Variants in P3H4 observed in about 807,000 individuals in gnomAD.
P3H4 encodes prolyl 3-hydroxylase family member 4 (inactive).
Under a neutral mutation model 52.9 loss-of-function variants are expected in P3H4, and 47 were observed. That is an observed-to-expected ratio of 0.89 (90% CI 0.70 to 1.13). The LOEUF (loss-of-function observed/expected upper bound fraction) is 1.13, where lower values mean the gene tolerates loss of function less well. Ranked by LOEUF, P3H4 falls within the 50% of genes most tolerant of loss-of-function variation. The pLI is 0.00. For synonymous variants in P3H4, 256 were observed against 267.9 expected (o/e 0.96, Z 0.44); for missense variants, 585 against 611.0 (o/e 0.96, Z 0.45).
rs372631529 is a variant in P3H4 at position 41,809,670 on chromosome 17, G to T, written c.916+36C>A. On this transcript the variant is annotated intron_variant, in intron 4 of 7. Transcript: ENST00000393928. The stretch of plus-strand genomic sequence containing the variant: ...ATACAGTCCTCTCCCTTATCACCTC[G>T]TCCCCTGCCCAAGCCAGCCCACCCA... 2.5e-6 allele frequency: 4 copies of T among 1,605,630 alleles called. No individual in the cohort carries two copies. In the South Asian group the frequency reaches 4.5e-5, roughly 18 times the overall value.
intron 6 of P3H4, among the ~76,000 whole-genome samples, chr17:41,806,225 A>C (rs1214856041): frequency 6.6e-6 from 1 of 152,096 alleles, no homozygotes; most frequent in African/African-American, 2.4e-5. Context: ...TCTCAAAAAA[A>C]AAAAATAAAT....
chr17:41,803,085 C>A, intron 7 of P3H4, 106 bp from the exon 8 acceptor site: 1 of 1,468,790 alleles, frequency 6.8e-7, no homozygotes, highest in Non-Finnish European at 9.3e-7. Context: ...CCGGACAGGT[C>A]TCAGCTGGTC....
chr17:41,810,672 C>G, intron 3 of P3H4, 191 bp downstream of exon 3: 2 of 631,516 alleles, frequency 3.2e-6, no homozygotes, highest in South Asian at 2.1e-5. Context: ...GTCACTGCCT[C>G]TACTCACTGA....
chr17:41,807,065 G>C (rs905089878), intron 5 of P3H4, 186 bp from the exon 6 acceptor site: 5 of 580,160 alleles, frequency 8.6e-6, no homozygotes, highest in Non-Finnish European at 1.5e-5. Flanking sequence ...GATTCTGAGA[G>C]TTTGGTGACA....
At position 41,806,838 on chromosome 17, in the gene P3H4, C is replaced by T; in HGVS notation, c.1104G>A (p.Glu368=). Residue 368 remains glutamate, a synonymous_variant, in exon 6 of 8, where the codon GAG becomes GAA. Coordinates refer to ENST00000393928, the MANE Select transcript of P3H4 (RefSeq NM_006455.3). ...GGTACATGTGGGTGAACTCCAGCAG[C>T]TCCCGCAGCTCGGCGGTCTGGTTGT... ...LYHNQTAELR[E]LLEFTHMYLQ... is the part of the protein sequence containing the mutation. The T allele has an allele frequency of 6.2e-7, 1 of 1,613,926 alleles. No homozygotes were observed. Among genetic ancestry groups the T allele is most frequent in the Non-Finnish European group, 8.5e-7 (1 of 1,179,940 alleles).
chr17:41,811,369 G>T lies in P3H4; in HGVS notation c.462+85C>A. Reference sequence around the variant, plus strand: ...GCGCACGGCGGGCTTCGTGCCTTGGGTGAAGATAACGCTCCTTCGACCGAT... The same window carrying T: ...GCGCACGGCGGGCTTCGTGCCTTGGTTGAAGATAACGCTCCTTCGACCGAT... On this transcript the variant is annotated intron_variant, in intron 1 of 7. Transcript: ENST00000393928. This position sits in a 1 kb window ranked among gnomAD's most constrained non-coding sequence, Gnocchi z 4.8. The T allele has an allele frequency of 6.2e-7, 1 of 1,606,138 alleles. No homozygotes were observed. Among genetic ancestry groups the T allele is most frequent in the South Asian group, 1.1e-5 (1 of 90,824 alleles).
In P3H4 at chr17:41,807,866, G is replaced by A. The variant is rs371951268; in HGVS notation, c.1055C>T (p.Pro352Leu). 3.1e-6 allele frequency: 5 copies of A among 1,612,830 alleles called. No individual in the cohort carries two copies. The African/African-American group carries it at 4.0e-5, about 13-fold the overall frequency. Residue 352 changes from proline (P) to leucine (L), a missense_variant, in exon 5 of 8, where the codon CCC becomes CTC. Transcript: ENST00000393928. Reference protein sequence around the residue: ...RWGLEEEDFQPREEAMLYHNQ... With the variant: ...RWGLEEEDFQLREEAMLYHNQ... ...CCAGAAAGCAGTGCCCACCTCCCGG[G>A]GCTGGAAGTCCTCCTCTTCCAGGCC...
intron 7 of P3H4, 139 bp downstream of exon 7, chr17:41,803,148 C>T: frequency 6.9e-7 from 1 of 1,448,766 alleles, no homozygotes; most frequent in South Asian, 1.3e-5. Context: ...CAGGGGTTGC[C>T]AACAGGCTGG....
chr17:41,811,186 C>T lies in P3H4; in HGVS notation c.561G>A (p.Gly187=), dbSNP rs781811576. 8 of 1,614,204 alleles carry T rather than the reference C, an allele frequency of 5.0e-6. No individual in the cohort carries two copies. Among genetic ancestry groups the T allele is most frequent in the Non-Finnish European group, 6.8e-6 (8 of 1,180,036 alleles). Residue 187 remains glycine (G), a synonymous_variant, in exon 2 of 8, where the codon GGG becomes GGA. Coordinates refer to ENST00000393928, the MANE Select transcript of P3H4 (RefSeq NM_006455.3). This position sits in a 1 kb window ranked among gnomAD's most constrained non-coding sequence, Gnocchi z 4.8. The stretch of plus-strand genomic sequence containing the variant: ...GGGACTCGTCGGCGACGTCCAGCAT[C>T]CCCTGATAGTAGTTGAGATACTTGG... ...LTAKYLNYYQ[G]MLDVADESLT...
rs533877667 is a variant in P3H4, at chr17:41,806,903, G to A, written c.1063-24C>T. ...TCCTGGAAGGAGGGAAGGACGGGGT[G>A]GGGGGTGAGCCATACCCTGTTGCCA... is the stretch of plus-strand genomic sequence containing the variant. On this transcript the variant is annotated intron_variant, in intron 5 of 7. Coordinates refer to ENST00000393928, the MANE Select transcript of P3H4 (RefSeq NM_006455.3). The A allele has an allele frequency of 3.8e-6, 6 of 1,589,532 alleles. No homozygotes were observed. In the Admixed American group the frequency reaches 5.1e-5, roughly 13 times the overall value.
intron 6 of P3H4, among the ~76,000 whole-genome samples, chr17:41,803,985 T>C (rs2047645920): frequency 6.8e-6 from 1 of 147,728 alleles, no homozygotes; most frequent in Non-Finnish European, 1.5e-5. Context: ...CGGAGTCTGC[T>C]CTGTTGCCCA....
intron 6 of P3H4, among the ~76,000 whole-genome samples, chr17:41,803,642 T>TTTGGTGTCA (rs1555613825): frequency 6.6e-6 from 1 of 151,818 alleles, no homozygotes; most frequent in East Asian, 1.9e-4. Context: ...ACCAGCAGAA[T>TTTGGTGTCA]TTGGTGTCAG....
chr17:41,808,423 T>C (rs1478669860), intron 4 of P3H4, among the ~76,000 whole-genome samples: 1 of 152,188 alleles, frequency 6.6e-6, no homozygotes, highest in Non-Finnish European at 1.5e-5. Flanking sequence ...GGTCTTGTTC[T>C]GTCACCCAGG....
rs562672306 is a variant in P3H4, at chr17:41,811,594, G to A, written c.322C>T (p.Arg108Cys). Residue 108 changes from arginine (R) to cysteine (C), a missense_variant, in exon 1 of 8, where the codon CGC becomes TGC. Coordinates refer to ENST00000393928, the MANE Select transcript of P3H4 (RefSeq NM_006455.3). This position sits in a 1 kb window ranked among gnomAD's most constrained non-coding sequence, Gnocchi z 4.8. ...EWACELRLFG[R>C]VLERAACLRR... ...AGGCAGGCGGCTCGCTCCAGGACGC[G>A]GCCGAAGAGCCGCAGCTCGCAGGCC... 6 of 1,578,366 alleles carry A rather than the reference G, an allele frequency of 3.8e-6. No individual in the cohort carries two copies. The highest frequency in any genetic ancestry group is 1.1e-5 in the South Asian group (1 of 87,620).
chr17:41,810,081 A>G (rs1212424728), intron 3 of P3H4, among the ~76,000 whole-genome samples: 1 of 151,872 alleles, frequency 6.6e-6, no homozygotes, highest in Non-Finnish European at 1.5e-5. Flanking sequence ...CACCACCCCA[A>G]GCCAGAGGGA....
rs782707424 is a variant in P3H4, at chr17:41,802,983, AAAAGG to A, written c.1292-9_1292-5del. The stretch of plus-strand genomic sequence containing the variant: ...CATGCGAGTTCAGGCTCTGGCTCTG[AAAAGG>A]AAAGGAGAAAGCACTGGGGTTGCTC... On this transcript the variant is annotated splice_polypyrimidine_tract_variant and splice_region_variant and intron_variant, in intron 7 of 7. Coordinates refer to ENST00000393928, the MANE Select transcript of P3H4 (RefSeq NM_006455.3). 6.2e-7 allele frequency: 1 copy of A among 1,610,548 alleles called. No homozygotes were observed. Among genetic ancestry groups the A allele is most frequent in the Non-Finnish European group, 8.5e-7 (1 of 1,178,814 alleles).
At chr17:41,803,528 C>T in intron 6 of P3H4, 97 bp from the exon 7 acceptor site, 1 of 1,113,690 alleles carries the variant, frequency 9.0e-7, no homozygotes, top group Non-Finnish European at 1.3e-6. Flanking sequence ...CATCCCATCT[C>T]TCGGTCCCCA....
intron 6 of P3H4, 51 bp downstream of exon 6, chr17:41,806,745 G>A: frequency 2.0e-6 from 3 of 1,506,238 alleles, no homozygotes; most frequent in Middle Eastern, 1.7e-4. Context: ...CCAGGAAAAG[G>A]TCCAAGGTGT....
rs186810467 is a variant in P3H4 at position 41,810,323 on chromosome 17, G to C, written c.788-489C>G. The stretch of plus-strand genomic sequence containing the variant: ...CGAGTAGCTGGGATTACAGGTGCCC[G>C]CCACCACGACCAGCTAATTTTTGTA... On this transcript the variant is annotated intron_variant, in intron 3 of 7. Transcript: ENST00000393928. Among the ~76,000 whole-genome samples, 4 of 151,912 alleles carry C rather than the reference G, an allele frequency of 2.6e-5. No individual in the cohort carries two copies. The East Asian group carries it at 7.7e-4, about 29-fold the overall frequency.
Sources: gnomAD v4.1 joint callset for allele counts (sites outside exome capture counted in the v4.1 genomes callset) on GRCh38, gnomAD v4.1.1 for gene constraint, Gnocchi (gnomAD v3.1) non-coding constraint, MANE v1.5 for transcripts, NCBI Gene and HGNC (gene_info 2026-07-23, HGNC 2026-07-21) for gene names.